Variants in LPP observed in about 807,000 individuals in gnomAD.
The protein encoded by LPP is lipoma-preferred partner.
LPP carries 38 observed loss-of-function variants against 60.4 expected under a neutral mutation model. The ratio of observed to expected loss-of-function variants is 0.63; its 90% confidence interval spans 0.49 to 0.83. LPP has a LOEUF of 0.83. Among genes scored for constraint, LPP ranks in the 40% least tolerant of loss-of-function variants. The pLI, the probability that LPP is intolerant of heterozygous loss-of-function variation, is 0.00. For missense variants in LPP, 902 were observed against 783.6 expected, an observed-to-expected ratio of 1.15 and a Z score of -1.80; for synonymous variants, 328 against 290.8, an observed-to-expected ratio of 1.13 and a Z score of -1.30.
At chr3:188,309,666 G>A (rs1752754890) in intron 2 of LPP, among the ~76,000 whole-genome samples, 1 of 151,952 alleles carries the variant, frequency 6.6e-6, no homozygotes, top group South Asian at 2.1e-4. Flanking sequence ...TGTATAATTC[G>A]ATAAAATAGG....
At position 188,878,759 on chromosome 3, in the gene LPP, T is replaced by TAAAAAAAAAAAAAAAAA. The variant is rs11448997; in HGVS notation, c.*4296_*4297insAAAAAAAAAAAAAAAAA. On this transcript the variant is annotated 3_prime_UTR_variant, in exon 12 of 12. Coordinates refer to ENST00000617246, the MANE Select transcript of LPP (RefSeq NM_001375462.1). The stretch of plus-strand genomic sequence containing the variant: ...ATATACTCACCAAAAAGTAAAAAAG[T>TAAAAAAAAAAAAAAAAA]AAAAAAAAAAAAAAAAGAAAGAAAG... 21 of 153,908 alleles carry TAAAAAAAAAAAAAAAAA rather than the reference T, an allele frequency of 1.4e-4. No individual in the cohort carries two copies. Among genetic ancestry groups the TAAAAAAAAAAAAAAAAA allele is most frequent in the Non-Finnish European group, 1.6e-4 (12 of 76,390 alleles). 9.5% of individuals were successfully genotyped at this position (153,908 alleles called of 1,614,324 possible).
intron 10 of LPP, among the ~76,000 whole-genome samples, chr3:188,869,557 C>T (rs892930924): frequency 6.6e-6 from 1 of 152,212 alleles, no homozygotes; most frequent in Non-Finnish European, 1.5e-5. Flanking sequence ...TCCCAAAGTG[C>T]TGGGATTACA....
chr3:188,856,136 T>G (rs373695033), intron 9 of LPP, among the ~76,000 whole-genome samples: 2 of 152,278 alleles, frequency 1.3e-5, no homozygotes, highest in East Asian at 3.9e-4. Context: ...CCTTGCCAAG[T>G]ATAACTGCCG....
Position 188,857,082 on chromosome 3 carries a change from A to G in LPP, c.1411-9118A>G, listed in dbSNP as rs564609881. Among the ~76,000 whole-genome samples the G allele has an allele frequency of 2.7e-4, 41 of 152,324 alleles. 1 individual carries two copies. The highest frequency in any genetic ancestry group is 9.6e-4 in the African/African-American group (40 of 41,570). On this transcript the variant is annotated intron_variant, in intron 9 of 11. Transcript: ENST00000617246. ...AAGAGCACTGCATAGAAACCATGCC[A>G]TCTGCGTCCTGGACTTTTTCACAAA...
chr3:188,468,057 G>T (rs1397148650), intron 4 of LPP, among the ~76,000 whole-genome samples: 1 of 152,064 alleles, frequency 6.6e-6, no homozygotes, highest in Non-Finnish European at 1.5e-5. Flanking sequence ...GGGTAACAAT[G>T]CTATCTTTGA....
At position 188,803,781 on chromosome 3, in the gene LPP, C is replaced by T. The variant is rs570504148; in HGVS notation, c.1410+43499C>T. Among the ~76,000 whole-genome samples the T allele has an allele frequency of 3.5e-4, 54 of 152,136 alleles. 1 individual carries two copies. The highest frequency in any genetic ancestry group is 1.2e-3 in the South Asian group (6 of 4,822). ...GTTCTGCTCTTTCAAAATTGTTTGGCTGTTCTAGTTAGTTCACCTTTGCAT... is the reference window on the plus strand; with the variant it reads ...GTTCTGCTCTTTCAAAATTGTTTGGTTGTTCTAGTTAGTTCACCTTTGCAT... On this transcript the variant is annotated intron_variant, in intron 9 of 11. Coordinates refer to ENST00000617246, the MANE Select transcript of LPP (RefSeq NM_001375462.1).
chr3:188,481,681 C>T (rs1325564490), intron 4 of LPP, among the ~76,000 whole-genome samples: 1 of 152,036 alleles, frequency 6.6e-6, no homozygotes, highest in Non-Finnish European at 1.5e-5. Context: ...GTTTATTGAA[C>T]CTTTCCAATT....
chr3:188,881,700 C>G lies in LPP; in HGVS notation c.*7221C>G, dbSNP rs181394855. The stretch of plus-strand genomic sequence containing the variant: ...GAAGCAAGCTAATGCATATGCCATC[C>G]ATGAGATTCCCACTTCTGGGTCAGT... On this transcript the variant is annotated 3_prime_UTR_variant, in exon 12 of 12. Coordinates refer to ENST00000617246, the MANE Select transcript of LPP (RefSeq NM_001375462.1). The G allele has an allele frequency of 2.6e-5, 6 of 226,560 alleles. No individual in the cohort carries two copies. In the East Asian group the frequency reaches 3.8e-4, roughly 14 times the overall value. The allele number at this position is 226,560 out of a possible 1,614,324, so 14.0% of individuals were successfully genotyped here.
At chr3:188,615,514 G>A (rs1844670157) in intron 7 of LPP, among the ~76,000 whole-genome samples, 1 of 152,158 alleles carries the variant, frequency 6.6e-6, no homozygotes, top group Non-Finnish European at 1.5e-5. Flanking sequence ...TAAGTTTTAG[G>A]AGAATATCCT....
intron 4 of LPP, among the ~76,000 whole-genome samples, chr3:188,467,118 T>C (rs141324149): frequency 2.6e-5 from 4 of 151,786 alleles, no homozygotes; most frequent in African/African-American, 9.7e-5. Context: ...AGAAAAGCAA[T>C]CCTATGGGGA....
At chr3:188,346,895 C>G (rs1011920698) in intron 3 of LPP, among the ~76,000 whole-genome samples, 1 of 152,148 alleles carries the variant, frequency 6.6e-6, no homozygotes, top group Non-Finnish European at 1.5e-5. Context: ...CGTTTTGTAG[C>G]ATGACTTTTG....
chr3:188,816,412 A>C (rs1199867800), intron 9 of LPP, among the ~76,000 whole-genome samples: 1 of 151,894 alleles, frequency 6.6e-6, no homozygotes, highest in Non-Finnish European at 1.5e-5. Context: ...CATGTTAGCC[A>C]GGATGGTCTT....
chr3:188,636,854 G>A (rs977479643), intron 7 of LPP, among the ~76,000 whole-genome samples: 4 of 149,994 alleles, frequency 2.7e-5, no homozygotes, highest in African/African-American at 7.5e-5. Context: ...GGTCCTGTCT[G>A]TTAGAAGGAA....
At position 188,609,765 on chromosome 3, in the gene LPP, T is replaced by C; in HGVS notation, c.1034T>C (p.Met345Thr). The change falls in exon 7 of 12, where the codon ATG becomes ACG. Residue 345 changes from methionine (M) to threonine (T), a missense_variant. Transcript: ENST00000617246. This position sits in a 1 kb window ranked among gnomAD's most constrained non-coding sequence, Gnocchi z 6.9. ...GCAGGGAACCAGAACCCTCCTGGGA[T>C]GTATCCAGTCACTGGTCCCAAGAAG... ...PGAGNQNPPG[M>T]YPVTGPKKTY... 1 of 1,614,070 alleles carries C rather than the reference T, an allele frequency of 6.2e-7. No individual in the cohort carries two copies. The highest frequency in any genetic ancestry group is 8.5e-7 in the Non-Finnish European group (1 of 1,179,996).
At chr3:188,328,286 A>G (rs1474406727) in intron 2 of LPP, among the ~76,000 whole-genome samples, 1 of 152,182 alleles carries the variant, frequency 6.6e-6, no homozygotes, top group Non-Finnish European at 1.5e-5. Context: ...ATGATTTTGT[A>G]AAATCATGCA....
intron 2 of LPP, among the ~76,000 whole-genome samples, chr3:188,226,934 G>A (rs1382842108): frequency 6.6e-6 from 1 of 152,122 alleles, no homozygotes; most frequent in Non-Finnish European, 1.5e-5. Context: ...TTAAACCTTA[G>A]TGTCTGTTAA....
At chr3:188,504,577 C>T (rs1257726124) in intron 5 of LPP, among the ~76,000 whole-genome samples, 7 of 152,100 alleles carry the variant, frequency 4.6e-5, no homozygotes, top group African/African-American at 1.7e-4. Flanking sequence ...TTCTCTTCCC[C>T]AAGGTTTACT....
At chr3:188,525,361 T>C (rs1820311636) in intron 6 of LPP, among the ~76,000 whole-genome samples, 1 of 152,226 alleles carries the variant, frequency 6.6e-6, no homozygotes, top group South Asian at 2.1e-4. Context: ...ATTTCTTAAA[T>C]TGACTCTTTG....
At chr3:188,758,777 G>A (rs1731192497) in intron 8 of LPP, 1 of 152,184 alleles carries the variant, frequency 6.6e-6, no homozygotes, top group Non-Finnish European at 1.5e-5. Flanking sequence ...AGGTAATATA[G>A]CATAGTGTTT....
Sources: gnomAD v4.1 joint callset for allele counts (sites outside exome capture counted in the v4.1 genomes callset) on GRCh38, gnomAD v4.1.1 for gene constraint, Gnocchi (gnomAD v3.1) non-coding constraint, MANE v1.5 for transcripts, NCBI Gene and HGNC (gene_info 2026-07-23, HGNC 2026-07-21) for gene names.